COL14A1: variants seen among roughly 807,000 people sequenced by gnomAD.
COL14A1 encodes the protein collagen type XIV alpha 1 chain, also known as collagen alpha-1(XIV) chain.
A neutral mutation model predicts 230.3 loss-of-function variants in COL14A1; 136 were observed. The ratio of observed to expected loss-of-function variants is 0.59; its 90% CI spans 0.51 to 0.68. COL14A1 has a LOEUF of 0.68. Ranked by LOEUF, COL14A1 falls within the 30% of genes least tolerant of loss-of-function variation. The pLI, the probability that COL14A1 is intolerant of heterozygous loss-of-function variation, is 0.00. For synonymous variants in COL14A1, 792 were observed against 784.1 expected (o/e 1.01, Z -0.17); for missense variants, 1,976 against 2,215.8 (o/e 0.89, Z 2.17).
intron 26 of COL14A1, among the ~76,000 whole-genome samples, chr8:120,276,125 T>TA (rs1345500042): frequency 6.6e-6 from 1 of 150,546 alleles, no homozygotes; most frequent in African/African-American, 2.4e-5. Flanking sequence ...TATATATATG[T>TA]AAAAAAATAT....
At chr8:120,146,062 G>A (rs1201774837) in intron 1 of COL14A1, among the ~76,000 whole-genome samples, 1 of 152,136 alleles carries the variant, frequency 6.6e-6, no homozygotes, top group African/African-American at 2.4e-5. Context: ...TAAAATCCTG[G>A]CTCCTGAACT....
Position 120,278,223 on chromosome 8 carries a change from A to G in COL14A1, c.3326A>G (p.Asn1109Ser). Residue 1109 changes from asparagine (N) to serine (S), a missense_variant, in exon 27 of 48, where the codon AAT (asparagine) becomes AGT (serine). Physicochemically the swap from Asn to Ser is conservative, Grantham distance 46 (BLOSUM62 1). Around this residue, in one of 3 missense-constraint regions of COL14A1, gnomAD observed 1,791 missense variants for 2,019.5 expected, o/e 0.89. Transcript: ENST00000297848. ...AIKHISYKGG[N>S]TKTGKAIKYV... Reference sequence around the variant, plus strand: ...AAACACATTTCATACAAAGGAGGAAATACAAAAACAGGTATGACCAAAAGA... The same window carrying G: ...AAACACATTTCATACAAAGGAGGAAGTACAAAAACAGGTATGACCAAAAGA... 1 of 1,607,828 alleles carries G rather than the reference A, an allele frequency of 6.2e-7. No homozygotes were observed. Among genetic ancestry groups the G allele is most frequent in the East Asian group, 2.2e-5 (1 of 44,794 alleles).
intron 5 of COL14A1, among the ~76,000 whole-genome samples, chr8:120,193,916 G>T (rs141669100): frequency 2.0e-5 from 3 of 152,304 alleles, no homozygotes; most frequent in East Asian, 3.9e-4. Context: ...CGCAGTATTA[G>T]GGTGGGAGTG....
chr8:120,355,230 TC>T (rs1480581700), intron 45 of COL14A1, among the ~76,000 whole-genome samples: 1 of 152,186 alleles, frequency 6.6e-6, no homozygotes, highest in Non-Finnish European at 1.5e-5. Flanking sequence ...TGCATATCAT[TC>T]CCAGATGATT....
rs1026793326 is a variant in COL14A1, at chr8:120,321,378, C to T, written c.4659+5381C>T. Reference sequence around the variant, plus strand: ...CTTCTGGGCCAGGCACGGTGGCTCACGCCTATAATCCCAGCACTTTGGGAG... The same window carrying T: ...CTTCTGGGCCAGGCACGGTGGCTCATGCCTATAATCCCAGCACTTTGGGAG... On this transcript the variant is annotated intron_variant, in intron 40 of 47. Transcript: ENST00000297848. Among the ~76,000 whole-genome samples, 10 of 152,264 alleles carry T rather than the reference C, an allele frequency of 6.6e-5. No individual in the cohort carries two copies. The East Asian group carries it at 1.5e-3, about 24-fold the overall frequency.
At chr8:120,175,110 C>T (rs1816236841) in intron 5 of COL14A1, among the ~76,000 whole-genome samples, 1 of 152,208 alleles carries the variant, frequency 6.6e-6, no homozygotes, top group Non-Finnish European at 1.5e-5. Context: ...AGTTTAAACG[C>T]AGAGTTAAGA....
At chr8:120,288,340 A>T (rs1350143433) in intron 33 of COL14A1, among the ~76,000 whole-genome samples, 1 of 152,156 alleles carries the variant, frequency 6.6e-6, no homozygotes, top group Non-Finnish European at 1.5e-5. Context: ...CATTATTTGT[A>T]TCATGATCTA....
chr8:120,251,834 AG>A (rs1586805333), intron 22 of COL14A1, among the ~76,000 whole-genome samples: 2 of 152,142 alleles, frequency 1.3e-5, no homozygotes, highest in East Asian at 3.8e-4. Flanking sequence ...AGCTTATTCC[AG>A]TCTACCTTAA....
At position 120,326,761 on chromosome 8, in the gene COL14A1, C is replaced by T. The variant is rs1457651758; in HGVS notation, c.4660-5380C>T. On this transcript the variant is annotated intron_variant, in intron 40 of 47. Transcript: ENST00000297848. ...TTGTTCTTGGTTGGGTGCAGTGGTT[C>T]ATGCCCGTAATCCCAGCACTTTGGG... Among the ~76,000 whole-genome samples, 4 of 152,164 alleles carry T rather than the reference C, an allele frequency of 2.6e-5. No individual in the cohort carries two copies. The South Asian group carries it at 8.3e-4, about 32-fold the overall frequency.
At position 120,308,552 on chromosome 8, in the gene COL14A1, T is replaced by C. The variant is rs1820923394; in HGVS notation, c.4402-1457T>C. Among the ~76,000 whole-genome samples, 3 of 152,340 alleles carry C rather than the reference T, an allele frequency of 2.0e-5. No individual in the cohort carries two copies. In the South Asian group the frequency reaches 6.2e-4, roughly 32 times the overall value. On this transcript the variant is annotated intron_variant, in intron 36 of 47. Transcript: ENST00000297848. ...CCACGGGCAGTATTTTGTATAGATA[T>C]AGATGCACATAAATAAAATTACGTT...
Position 120,238,801 on chromosome 8 carries a change from G to A in COL14A1, c.2350-5078G>A, listed in dbSNP as rs1818530450. Among the ~76,000 whole-genome samples the A allele has an allele frequency of 2.0e-5, 3 of 152,154 alleles. 1 individual carries two copies. In the South Asian group the frequency reaches 6.2e-4, roughly 32 times the overall value. On this transcript the variant is annotated intron_variant, in intron 19 of 47. Transcript: ENST00000297848. ...GACCGTGGGAAAAGCATAGTATCTGGGCTGGATAGCTCTGTCCCTCATGGC... is the reference window on the plus strand; with the variant it reads ...GACCGTGGGAAAAGCATAGTATCTGAGCTGGATAGCTCTGTCCCTCATGGC...
intron 25 of COL14A1, among the ~76,000 whole-genome samples, chr8:120,269,642 T>G (rs1819598045): frequency 6.6e-6 from 1 of 151,772 alleles, no homozygotes; most frequent in South Asian, 2.1e-4. Context: ...AAGGACAGGG[T>G]GCACAGAGTG....
chr8:120,276,239 C>T (rs374960240), intron 26 of COL14A1, among the ~76,000 whole-genome samples: 1 of 151,076 alleles, frequency 6.6e-6, no homozygotes, highest in African/African-American at 2.4e-5. Context: ...GGCCATTATT[C>T]TAAGTGAAGT....
At chr8:120,137,975 A>G (rs1249962768) in intron 1 of COL14A1, among the ~76,000 whole-genome samples, 2 of 152,024 alleles carry the variant, frequency 1.3e-5, no homozygotes, top group East Asian at 3.9e-4. Flanking sequence ...ATCTTTTGAA[A>G]TTTATTGAGT....
intron 7 of COL14A1, among the ~76,000 whole-genome samples, chr8:120,198,533 C>G (rs1817122023): frequency 6.6e-6 from 1 of 152,060 alleles, no homozygotes; most frequent in African/African-American, 2.4e-5. Flanking sequence ...CATCCCAACT[C>G]TGAAAATCCA....
At position 120,208,252 on chromosome 8, in the gene COL14A1, AT is replaced by A; in HGVS notation, c.1213del (p.Ser405LeufsTer5). 6.2e-7 allele frequency: 1 copy of A among 1,612,836 alleles called. No individual in the cohort carries two copies. Among genetic ancestry groups the A allele is most frequent in the Non-Finnish European group, 8.5e-7 (1 of 1,179,278 alleles). ...AACAGGTGGTGGTAGATGGAACTGT[AT>A]CTTCCACAGTGTTGAAAAACTTGAT... ...PDEVVVDGTV[S>X]STVLKNLMSL... is the part of the protein sequence containing the mutation. On this transcript the variant is annotated frameshift_variant, in exon 11 of 48. Coordinates refer to ENST00000297848, the MANE Select transcript of COL14A1 (RefSeq NM_021110.4). LOFTEE classifies it high-confidence loss of function.
rs142885055 is a variant in COL14A1 at position 120,129,724 on chromosome 8, C to T, written c.-38+4384C>T. Among the ~76,000 whole-genome samples, 211 of 152,308 alleles carry T rather than the reference C, an allele frequency of 1.4e-3. 1 individual carries two copies. Among genetic ancestry groups the T allele is most frequent in the African/African-American group, 4.7e-3 (196 of 41,564 alleles). On this transcript the variant is annotated intron_variant, in intron 1 of 47. Transcript: ENST00000297848. The stretch of plus-strand genomic sequence containing the variant: ...GATAACACAGCTTTGCACTGGGGCA[C>T]ACAACTTGGGAGCAGAGTGTCTGCC...
chr8:120,137,394 A>G (rs908990366), intron 1 of COL14A1, among the ~76,000 whole-genome samples: 1 of 152,092 alleles, frequency 6.6e-6, no homozygotes, highest in Non-Finnish European at 1.5e-5. Flanking sequence ...AAATTTTATT[A>G]ATATTTCAAA....
chr8:120,207,550 A>C (rs904905081), intron 10 of COL14A1, among the ~76,000 whole-genome samples: 4 of 152,200 alleles, frequency 2.6e-5, no homozygotes, highest in African/African-American at 9.6e-5. Flanking sequence ...GGATTAGTGC[A>C]ATGGAAAAGC....
Sources: gnomAD v4.1 joint callset for allele counts (sites outside exome capture counted in the v4.1 genomes callset) on GRCh38, gnomAD v4.1.1 for gene constraint, gnomAD v4.1.1 regional missense constraint, MANE v1.5 for transcripts, NCBI Gene and HGNC (gene_info 2026-07-23, HGNC 2026-07-21) for gene names.